The following HMBOX1 variants were observed in gnomAD, a reference collection of about 807,000 sequenced individuals.
The protein encoded by HMBOX1 is homeobox-containing protein 1.
HMBOX1 carries 14 observed loss-of-function variants against 54.5 expected under a neutral mutation model. The ratio of observed to expected loss-of-function variants is 0.26; its 90% CI spans 0.17 to 0.40. The LOEUF is 0.40. HMBOX1 is among the 10% of genes least tolerant of loss of function. The pLI, the probability that HMBOX1 is intolerant of heterozygous loss-of-function variation, is 1.00. For missense variants in HMBOX1, 332 were observed against 514.4 expected (o/e 0.65, Z 3.43); for synonymous variants, 160 against 181.0 (o/e 0.88, Z 0.93).
rs117006622 is a variant in HMBOX1 at position 29,015,527 on chromosome 8, C to T, written c.698-3233C>T. Reference sequence around the variant, plus strand: ...AATTAGGTAGATTCCAGAGCTCTTGCTGTGCTGTAATCCCTACTTGTTTTC... The same window carrying T: ...AATTAGGTAGATTCCAGAGCTCTTGTTGTGCTGTAATCCCTACTTGTTTTC... On this transcript the variant is annotated intron_variant, in intron 5 of 9. Coordinates refer to ENST00000287701, the MANE Select transcript of HMBOX1 (RefSeq NM_001135726.3). Among the ~76,000 whole-genome samples the T allele has an allele frequency of 1.6e-4, 24 of 152,328 alleles. No homozygotes were observed. In the East Asian group the frequency reaches 4.4e-3, roughly 28 times the overall value.
intron 1 of HMBOX1, among the ~76,000 whole-genome samples, chr8:28,960,747 CTTTTTCTTTTTCTTTTTCTT>C (rs1825329629): frequency 6.6e-5 from 1 of 15,062 alleles, no homozygotes; most frequent in Non-Finnish European, 1.3e-4. Flanking sequence ...AACTTATTCT[CTTTTTCTTTTTCTTTTTCTT>C]TTTTTTTTTT....
At chr8:28,892,415 ACTTC>A (rs1362962905) in intron 1 of HMBOX1, among the ~76,000 whole-genome samples, 4 of 152,192 alleles carry the variant, frequency 2.6e-5, no homozygotes, top group African/African-American at 9.6e-5. Flanking sequence ...CATATTTTGT[ACTTC>A]CTTATTAAGT....
rs1294659233 is a variant in HMBOX1 at position 29,051,360 on chromosome 8, C to G, written c.*205C>G. On this transcript the variant is annotated 3_prime_UTR_variant, in exon 10 of 10. Transcript: ENST00000287701. ...AGTATTAACTCCCAGTAAATAATAA[C>G]CAACCAACCAACCAAACTTCCCTCT... 1 of 635,974 alleles carries G rather than the reference C, an allele frequency of 1.6e-6. No homozygotes were observed. The highest frequency in any genetic ancestry group is 2.8e-6 in the Non-Finnish European group (1 of 356,952). The allele number at this position is 635,974 out of a possible 1,614,324, so 39.4% of individuals were successfully genotyped here.
intron 6 of HMBOX1, among the ~76,000 whole-genome samples, chr8:29,019,144 C>T (rs1800783754): frequency 6.6e-6 from 1 of 152,062 alleles, no homozygotes. Context: ...ATAATAGTGT[C>T]CCCAGTAATT....
chr8:29,035,078 T>C (rs559937648), intron 6 of HMBOX1, among the ~76,000 whole-genome samples: 1 of 152,300 alleles, frequency 6.6e-6, no homozygotes, highest in East Asian at 1.9e-4. Context: ...CACCTCTGAT[T>C]CTTAAAAGAA....
At chr8:29,006,537 G>A (rs977948588) in intron 4 of HMBOX1, among the ~76,000 whole-genome samples, 4 of 152,276 alleles carry the variant, frequency 2.6e-5, no homozygotes, top group East Asian at 1.9e-4. Context: ...TGTGAGAATC[G>A]TATATGCTCT....
intron 1 of HMBOX1, among the ~76,000 whole-genome samples, chr8:28,959,419 C>T (rs1231063979): frequency 6.6e-6 from 1 of 152,074 alleles, no homozygotes; most frequent in East Asian, 1.9e-4. Flanking sequence ...GAGTGGCTCA[C>T]ATTTTAAAAC....
intron 4 of HMBOX1, among the ~76,000 whole-genome samples, chr8:28,993,388 G>A (rs1016763455): frequency 6.6e-6 from 1 of 152,064 alleles, no homozygotes; most frequent in African/African-American, 2.4e-5. Flanking sequence ...ATTTGCTTAT[G>A]TCTAGAATGA....
At chr8:28,911,059 G>A (rs984803259) in intron 1 of HMBOX1, among the ~76,000 whole-genome samples, 1 of 152,136 alleles carries the variant, frequency 6.6e-6, no homozygotes, top group Non-Finnish European at 1.5e-5. Context: ...TGGGGGAGTC[G>A]ATTTGCCACC....
intron 1 of HMBOX1, among the ~76,000 whole-genome samples, chr8:28,916,500 T>C (rs1816576788): frequency 6.6e-6 from 1 of 152,196 alleles, no homozygotes; most frequent in East Asian, 1.9e-4. Flanking sequence ...ATTTGAGGTA[T>C]GGGCAAGGTT....
chr8:28,999,704 A>G (rs1259239701), intron 4 of HMBOX1, among the ~76,000 whole-genome samples: 1 of 151,826 alleles, frequency 6.6e-6, no homozygotes, highest in Non-Finnish European at 1.5e-5. Context: ...TATTTTTTAT[A>G]CTTTTCAATT....
intron 1 of HMBOX1, among the ~76,000 whole-genome samples, chr8:28,939,297 A>T (rs962876329): frequency 6.6e-6 from 1 of 151,958 alleles, no homozygotes; most frequent in East Asian, 1.9e-4. Context: ...CTAAAAAAAA[A>T]AAAAAGAAAA....
At chr8:28,967,910 A>G (rs953830086) in intron 2 of HMBOX1, among the ~76,000 whole-genome samples, 1 of 152,214 alleles carries the variant, frequency 6.6e-6, no homozygotes. Flanking sequence ...ATGGCCTGCA[A>G]CATGTTTAGG....
intron 4 of HMBOX1, among the ~76,000 whole-genome samples, chr8:29,000,456 A>G (rs566495259): frequency 9.8e-5 from 15 of 152,330 alleles, no homozygotes; most frequent in African/African-American, 2.9e-4. Flanking sequence ...TCTCGTGGAC[A>G]TCTCATACCT....
rs139980680 is a variant in HMBOX1, at chr8:29,052,974, TGAGA to T, written c.*1828_*1831del. The T allele has an allele frequency of 9.2e-5, 14 of 152,296 alleles. No homozygotes were observed. Among genetic ancestry groups the T allele is most frequent in the South Asian group, 2.1e-4 (1 of 4,822 alleles). The allele number at this position is 152,296 out of a possible 1,614,324, so 9.4% of individuals were successfully genotyped here. ...ACCAAATGTATTCAACTTAAAACTG[TGAGA>T]GAGAGAGACTGAATGACCTTCCTCA... On this transcript the variant is annotated 3_prime_UTR_variant, in exon 10 of 10. Coordinates refer to ENST00000287701, the MANE Select transcript of HMBOX1 (RefSeq NM_001135726.3).
At chr8:28,959,436 A>G (rs1463374200) in intron 1 of HMBOX1, among the ~76,000 whole-genome samples, 1 of 152,102 alleles carries the variant, frequency 6.6e-6, no homozygotes, top group African/African-American at 2.4e-5. Context: ...AAACTTATGA[A>G]TTGTTTATTT....
At chr8:29,044,453 G>A (rs1433784422) in intron 6 of HMBOX1, among the ~76,000 whole-genome samples, 1 of 151,912 alleles carries the variant, frequency 6.6e-6, no homozygotes, top group Non-Finnish European at 1.5e-5. Context: ...TCTAAGGATG[G>A]GTTCAGTAAA....
chr8:29,038,465 G>C (rs1183557863), intron 6 of HMBOX1, among the ~76,000 whole-genome samples: 3 of 152,136 alleles, frequency 2.0e-5, no homozygotes, highest in Admixed American at 1.3e-4. Context: ...ATATGGACTA[G>C]AAGTATGTTT....
At chr8:28,908,776 C>T (rs1262015539) in intron 1 of HMBOX1, among the ~76,000 whole-genome samples, 1 of 151,708 alleles carries the variant, frequency 6.6e-6, no homozygotes, top group Non-Finnish European at 1.5e-5. Flanking sequence ...AAAAAAAAAC[C>T]TGGGTTATAT....
Sources: allele counts gnomAD v4.1 joint callset (sites outside exome capture counted in the v4.1 genomes callset), GRCh38; gene constraint gnomAD v4.1.1; transcripts MANE v1.5; gene names NCBI Gene and HGNC (gene_info 2026-07-23, HGNC 2026-07-21).